The following CLSTN2 variants were observed in gnomAD, a reference collection of about 807,000 sequenced individuals.
CLSTN2 encodes calsyntenin 2, also known as calsyntenin-2.
CLSTN2 carries 48 observed loss-of-function variants against 101.2 expected under a neutral mutation model. The ratio of observed to expected loss-of-function variants is 0.47; its 90% CI spans 0.38 to 0.60. CLSTN2 has a LOEUF of 0.60. CLSTN2 is among the 20% of genes least tolerant of loss of function. The pLI is 0.00. For missense variants in CLSTN2, 1,160 were observed against 1,238.2 expected (o/e 0.94, Z 0.95); for synonymous variants, 481 against 463.6 (o/e 1.04, Z -0.48).
At chr3:140,271,964 T>C (rs1023176551) in intron 2 of CLSTN2, among the ~76,000 whole-genome samples, 1 of 152,236 alleles carries the variant, frequency 6.6e-6, no homozygotes, top group Non-Finnish European at 1.5e-5. Flanking sequence ...TTCTGAATTC[T>C]TTAACTTCCT....
chr3:140,116,757 C>T (rs975276329), intron 1 of CLSTN2, among the ~76,000 whole-genome samples: 2 of 152,108 alleles, frequency 1.3e-5, no homozygotes, highest in Admixed American at 1.3e-4. Context: ...TACCCACCTT[C>T]TGCTCAGTGT....
chr3:139,970,782 A>G (rs1935684812), intron 1 of CLSTN2, among the ~76,000 whole-genome samples: 1 of 152,114 alleles, frequency 6.6e-6, no homozygotes, highest in African/African-American at 2.4e-5. Flanking sequence ...TAGCCTCCTC[A>G]AGTCATAAGT....
At chr3:140,450,339 G>A (rs2108010090) in intron 6 of CLSTN2, among the ~76,000 whole-genome samples, 1 of 152,300 alleles carries the variant, frequency 6.6e-6, no homozygotes, top group East Asian at 1.9e-4. Flanking sequence ...GGCCTCGGGA[G>A]CTAGAATGTA....
intron 1 of CLSTN2, among the ~76,000 whole-genome samples, chr3:140,143,797 C>T (rs1162903849): frequency 6.6e-6 from 1 of 152,222 alleles, no homozygotes; most frequent in East Asian, 1.9e-4. Context: ...TGAAGAAAGA[C>T]ATGTTATGAT....
Position 139,935,301 on chromosome 3 carries a change from C to A in CLSTN2, c.-74C>A. On this transcript the variant is annotated 5_prime_UTR_variant, in exon 1 of 17. Transcript: ENST00000458420. This position sits in a 1 kb window ranked among gnomAD's most constrained non-coding sequence, Gnocchi z 5.5. ...GGGCACGGCGAGGCGGCCCACGGTG[C>A]GGCAGGCACCGGGAGGCGAGAGCCG... 5.0e-6 allele frequency: 4 copies of A among 795,512 alleles called. No individual in the cohort carries two copies. Among genetic ancestry groups the A allele is most frequent in the Non-Finnish European group, 6.7e-6 (4 of 594,418 alleles). 49.3% of individuals were successfully genotyped at this position (795,512 alleles called of 1,614,324 possible). A position where few individuals can be genotyped will look rare whatever the true frequency, so the allele number is the denominator to read the frequency against.
chr3:140,280,708 A>G (rs955200279), intron 2 of CLSTN2, among the ~76,000 whole-genome samples: 1 of 152,174 alleles, frequency 6.6e-6, no homozygotes, highest in Non-Finnish European at 1.5e-5. Flanking sequence ...GGCTGGCTTT[A>G]TGTACACTTC....
At chr3:140,235,728 A>G (rs1448798004) in intron 2 of CLSTN2, among the ~76,000 whole-genome samples, 1 of 152,150 alleles carries the variant, frequency 6.6e-6, no homozygotes, top group East Asian at 1.9e-4. Context: ...AAGCCCTAGA[A>G]CATCCCCAGG....
chr3:140,431,638 C>T (rs995889971), intron 5 of CLSTN2, among the ~76,000 whole-genome samples: 1 of 152,186 alleles, frequency 6.6e-6, no homozygotes, highest in Admixed American at 6.5e-5. Context: ...CTTCTACATT[C>T]TTCCTCTGGT....
Position 140,459,719 on chromosome 3 carries a change from C to G in CLSTN2, c.1172C>G (p.Pro391Arg), listed in dbSNP as rs1049138681. Residue 391 changes from proline (P) to arginine (R), a missense_variant, in exon 7 of 17, where the codon CCT becomes CGT. Physicochemically the swap from Pro to Arg is moderately radical, Grantham distance 103. Transcript: ENST00000458420. Reference sequence around the variant, plus strand: ...ATGTGGATGAAACACGGCCCCAGCCCTGGTGTGAGAGCCGAGAAGGAAACC... The same window carrying G: ...ATGTGGATGAAACACGGCCCCAGCCGTGGTGTGAGAGCCGAGAAGGAAACC... ...ITMWMKHGPS[P>R]GVRAEKETIL... 18 of 1,614,162 alleles carry G rather than the reference C, an allele frequency of 1.1e-5. No individual in the cohort carries two copies. Among genetic ancestry groups the G allele is most frequent in the Non-Finnish European group, 1.5e-5 (18 of 1,180,020 alleles).
intron 2 of CLSTN2, among the ~76,000 whole-genome samples, chr3:140,256,462 C>T (rs1349060578): frequency 1.3e-5 from 2 of 152,158 alleles, no homozygotes; most frequent in East Asian, 1.9e-4. Flanking sequence ...TCAGCACATC[C>T]ACCTCACTGG....
At chr3:140,334,291 C>T (rs1265423100) in intron 2 of CLSTN2, among the ~76,000 whole-genome samples, 3 of 152,190 alleles carry the variant, frequency 2.0e-5, no homozygotes, top group Admixed American at 6.5e-5. Context: ...TAAGAAAAAA[C>T]AGTCACTACT....
Position 140,001,629 on chromosome 3 carries a change from TA to T in CLSTN2, c.109+66147del, listed in dbSNP as rs2006842567. Among the ~76,000 whole-genome samples the T allele has an allele frequency of 5.3e-5, 8 of 152,264 alleles. No individual in the cohort carries two copies. In the South Asian group the frequency reaches 1.7e-3, roughly 32 times the overall value. ...CCTTTGTGTTACAAACGATCCAAAA[TA>T]CTTTTTTTAAGCTATTTTTAAATGT... On this transcript the variant is annotated intron_variant, in intron 1 of 16. Transcript: ENST00000458420.
At chr3:140,372,591 T>C (rs191541846) in intron 2 of CLSTN2, among the ~76,000 whole-genome samples, 176 of 152,250 alleles carry the variant, frequency 1.2e-3, no homozygotes, top group African/African-American at 3.5e-3. Context: ...CAAGTAATGG[T>C]GAGGTGAGTC....
At chr3:140,528,952 C>A (rs922299340) in intron 8 of CLSTN2, among the ~76,000 whole-genome samples, 1 of 152,228 alleles carries the variant, frequency 6.6e-6, no homozygotes, top group Non-Finnish European at 1.5e-5. Context: ...ACCTAGTAGA[C>A]ATAATAGTTG....
At chr3:140,336,281 T>C (rs114480669) in intron 2 of CLSTN2, among the ~76,000 whole-genome samples, 2 of 152,198 alleles carry the variant, frequency 1.3e-5, no homozygotes, top group African/African-American at 4.8e-5. Flanking sequence ...CTGATATTCA[T>C]TTCTCCATTA....
intron 8 of CLSTN2, among the ~76,000 whole-genome samples, chr3:140,477,517 G>C (rs983690317): frequency 6.6e-6 from 1 of 152,150 alleles, no homozygotes; most frequent in African/African-American, 2.4e-5. Context: ...ATTTTTGAGA[G>C]GCTATAGTGT....
chr3:140,107,166 T>A (rs998658251), intron 1 of CLSTN2, among the ~76,000 whole-genome samples: 58 of 152,236 alleles, frequency 3.8e-4, no homozygotes, highest in Non-Finnish European at 7.2e-4. Flanking sequence ...GGAGCTTCTA[T>A]AATAATATCC....
intron 1 of CLSTN2, among the ~76,000 whole-genome samples, chr3:139,998,420 C>T (rs537225001): frequency 4.5e-4 from 64 of 141,690 alleles, no homozygotes; most frequent in African/African-American, 1.6e-3. Context: ...CTGCAAGCTC[C>T]GCCTCCCGGG....
chr3:140,179,639 A>AC (rs1468744328), intron 2 of CLSTN2, among the ~76,000 whole-genome samples: 2 of 148,850 alleles, frequency 1.3e-5, no homozygotes, highest in Non-Finnish European at 3.0e-5. Flanking sequence ...AAAAAAAAAA[A>AC]AAAAAAAAAA....
Sources: gnomAD v4.1 joint callset for allele counts (sites outside exome capture counted in the v4.1 genomes callset) on GRCh38, gnomAD v4.1.1 for gene constraint, Gnocchi (gnomAD v3.1) non-coding constraint, MANE v1.5 for transcripts, NCBI Gene and HGNC (gene_info 2026-07-23, HGNC 2026-07-21) for gene names.